MYO16: variants seen among roughly 807,000 people sequenced by gnomAD.
MYO16 encodes myosin XVI, also known as unconventional myosin-XVI.
Under a neutral mutation model 205.3 loss-of-function variants are expected in MYO16, and 94 were observed. The ratio of observed to expected loss-of-function variants is 0.46; its 90% CI spans 0.39 to 0.54. The LOEUF is 0.54. Among genes scored for constraint, MYO16 ranks in the 20% least tolerant of loss-of-function variants. The pLI is 0.00. For missense variants in MYO16, 2,315 were observed against 2,387.5 expected (o/e 0.97, Z 0.63); for synonymous variants, 988 against 954.0 (o/e 1.04, Z -0.66).
intron 8 of MYO16, among the ~76,000 whole-genome samples, chr13:108,822,719 G>A (rs1007674315): frequency 6.6e-6 from 1 of 152,078 alleles, no homozygotes; most frequent in African/African-American, 2.4e-5. Context: ...TTTATAGGAG[G>A]CCAGTTACAT....
chr13:108,977,444 G>A (rs552198747), intron 20 of MYO16, among the ~76,000 whole-genome samples: 2 of 152,236 alleles, frequency 1.3e-5, no homozygotes, highest in African/African-American at 2.4e-5. Context: ...AAGCGAAGTC[G>A]ACGTCTTCTG....
intron 1 of MYO16, among the ~76,000 whole-genome samples, chr13:108,617,219 G>T (rs902178792): frequency 1.3e-5 from 2 of 152,050 alleles, no homozygotes; most frequent in African/African-American, 4.8e-5. Flanking sequence ...CCCCAAGAGC[G>T]CTGGACCCAC....
chr13:108,826,515 T>C (rs1876277163), intron 9 of MYO16, among the ~76,000 whole-genome samples: 1 of 152,112 alleles, frequency 6.6e-6, no homozygotes, highest in Non-Finnish European at 1.5e-5. Context: ...CAATGGTTTC[T>C]TAGATATGAC....
chr13:109,120,410 A>G lies in MYO16; in HGVS notation c.3479A>G (p.Asp1160Gly). 6.2e-7 allele frequency: 1 copy of G among 1,609,280 alleles called. No individual in the cohort carries two copies. The highest frequency in any genetic ancestry group is 8.5e-7 in the Non-Finnish European group (1 of 1,178,032). The change falls in exon 29 of 35, where the codon GAC (aspartate) becomes GGC (glycine). Residue 1160 changes from aspartate (D) to glycine (G), a missense_variant. By Grantham distance (94) the Asp-to-Gly change is moderately conservative. Transcript: ENST00000457511. ...RKVFLKYWHA[D>G]QLNDLCLQLQ... ...GTGTTTCTAAAATACTGGCATGCTGACCAACTCAATGATTTGTGCCTACAG... is the reference window on the plus strand; with the variant it reads ...GTGTTTCTAAAATACTGGCATGCTGGCCAACTCAATGATTTGTGCCTACAG...
chr13:108,894,759 C>T (rs1234070362), intron 14 of MYO16, among the ~76,000 whole-genome samples: 3 of 152,172 alleles, frequency 2.0e-5, no homozygotes, highest in Admixed American at 1.3e-4. Flanking sequence ...GGTAGATGGA[C>T]GGATGGAACC....
chr13:108,927,038 G>A (rs1257737077), intron 16 of MYO16, among the ~76,000 whole-genome samples: 3 of 152,000 alleles, frequency 2.0e-5, no homozygotes, highest in South Asian at 2.1e-4. Context: ...AGGTACACAC[G>A]TGGCCCTCAG....
intron 7 of MYO16, 95 bp downstream of exon 7, chr13:108,806,899 A>C: frequency 2.5e-5 from 23 of 927,176 alleles, no homozygotes; most frequent in Non-Finnish European, 3.3e-5. Context: ...TTACGTACTA[A>C]TCATTATTGT....
At chr13:109,158,780 C>T (rs1286117556) in intron 32 of MYO16, among the ~76,000 whole-genome samples, 1 of 152,106 alleles carries the variant, frequency 6.6e-6, no homozygotes, top group Non-Finnish European at 1.5e-5. Context: ...GTTAAGTGGA[C>T]ATTTATTCAA....
the MYO16 span, among the ~76,000 whole-genome samples, chr13:108,568,454 AT>A: frequency 2.3e-4 from 35 of 152,128 alleles, no homozygotes; most frequent in Non-Finnish European, 3.7e-4. Flanking sequence ...TATATTCAGC[AT>A]TTTTTATGTG....
At chr13:108,928,457 C>T (rs947095016) in intron 16 of MYO16, among the ~76,000 whole-genome samples, 8 of 152,146 alleles carry the variant, frequency 5.3e-5, no homozygotes, top group African/African-American at 1.7e-4. Context: ...AATTAATATT[C>T]ATAATGCCAT....
At chr13:109,144,877 G>A (rs1217798911) in intron 32 of MYO16, among the ~76,000 whole-genome samples, 1 of 152,176 alleles carries the variant, frequency 6.6e-6, no homozygotes, top group Non-Finnish European at 1.5e-5. Context: ...ACAGTGAGTT[G>A]TGTATAGGAA....
intron 3 of MYO16, among the ~76,000 whole-genome samples, chr13:108,715,768 G>A (rs1883919659): frequency 6.6e-6 from 1 of 152,158 alleles, no homozygotes. Flanking sequence ...TTATTTTGTT[G>A]TGGCTGCTTC....
intron 4 of MYO16, among the ~76,000 whole-genome samples, chr13:108,733,178 T>G (rs1236976121): frequency 6.6e-6 from 1 of 152,186 alleles, no homozygotes; most frequent in Non-Finnish European, 1.5e-5. Context: ...CTAACAGCAC[T>G]GGAACAGTGC....
At chr13:108,861,270 A>C (rs531566468) in intron 11 of MYO16, among the ~76,000 whole-genome samples, 1 of 152,196 alleles carries the variant, frequency 6.6e-6, no homozygotes, top group Non-Finnish European at 1.5e-5. Context: ...GTGTTTTTTA[A>C]CTTTATATAA....
chr13:108,576,597 G>C, the MYO16 span, among the ~76,000 whole-genome samples: 6 of 152,194 alleles, frequency 3.9e-5, no homozygotes, highest in Admixed American at 2.0e-4. Context: ...GAAAGTAACT[G>C]CTCTTAGTTA....
chr13:108,647,986 A>C (rs879892839), intron 1 of MYO16, among the ~76,000 whole-genome samples: 1 of 152,202 alleles, frequency 6.6e-6, no homozygotes, highest in Admixed American at 6.5e-5. Flanking sequence ...TGCAACTGTA[A>C]CCAAAACAGA....
intron 16 of MYO16, among the ~76,000 whole-genome samples, chr13:108,954,844 C>T (rs1019725373): frequency 1.3e-5 from 2 of 152,162 alleles, no homozygotes; most frequent in Admixed American, 6.5e-5. Flanking sequence ...TATCATTGTC[C>T]TTGACCTTTT....
intron 28 of MYO16, among the ~76,000 whole-genome samples, chr13:109,102,868 C>T (rs959412458): frequency 6.6e-5 from 10 of 152,076 alleles, no homozygotes; most frequent in Non-Finnish European, 1.3e-4. Flanking sequence ...TTTCATGGCA[C>T]TAATCTATTT....
At chr13:108,755,656 C>CA (rs1885400128) in intron 4 of MYO16, among the ~76,000 whole-genome samples, 1 of 151,438 alleles carries the variant, frequency 6.6e-6, no homozygotes, top group South Asian at 2.1e-4. Flanking sequence ...TATTTAACTT[C>CA]AAAAAAATGA....
Sources: allele counts gnomAD v4.1 joint callset (sites outside exome capture counted in the v4.1 genomes callset), GRCh38; gene constraint gnomAD v4.1.1; transcripts MANE v1.5; gene names NCBI Gene and HGNC (gene_info 2026-07-23, HGNC 2026-07-21).